EPHA5: variants seen among roughly 807,000 people sequenced by gnomAD.
The protein encoded by EPHA5 is ephrin type-A receptor 5.
In EPHA5, 60 loss-of-function variants were observed where a neutral mutation model predicts 105.0. The observed-to-expected ratio is 0.57, with a 90% confidence interval of 0.46 to 0.71. The LOEUF (loss-of-function observed/expected upper bound fraction) is 0.71. EPHA5 is among the 30% of genes least tolerant of loss of function. EPHA5 has a pLI of 0.00. For synonymous variants in EPHA5, 513 were observed against 449.1 expected, an observed-to-expected ratio of 1.14 and a Z score of -1.80; for missense variants, 1,218 against 1,274.7, an observed-to-expected ratio of 0.96 and a Z score of 0.68.
intron 2 of EPHA5, among the ~76,000 whole-genome samples, chr4:65,622,695 G>A (rs1745807681): frequency 6.6e-6 from 1 of 151,880 alleles, no homozygotes; most frequent in Admixed American, 6.6e-5. Context: ...TCTGACTTAA[G>A]GTAACCTTTG....
intron 1 of EPHA5, among the ~76,000 whole-genome samples, chr4:65,650,954 G>C (rs71612733): frequency 0.032 from 4,874 of 152,038 alleles, 145 homozygotes; most frequent in East Asian, 0.089. Context: ...ATTCAAGTTT[G>C]TTTGTCTCTC....
At chr4:65,653,558 A>T (rs1479117224) in intron 1 of EPHA5, among the ~76,000 whole-genome samples, 2 of 152,068 alleles carry the variant, frequency 1.3e-5, no homozygotes, top group East Asian at 3.9e-4. Context: ...GCAGGAAAAT[A>T]TTTTAAAATT....
chr4:65,470,768 A>C (rs1035373839), intron 5 of EPHA5, among the ~76,000 whole-genome samples: 1 of 152,216 alleles, frequency 6.6e-6, no homozygotes, highest in Non-Finnish European at 1.5e-5. Context: ...CACAGTTTTG[A>C]AGAACAAGCC....
intron 3 of EPHA5, among the ~76,000 whole-genome samples, chr4:65,585,132 G>GTT (rs1250604682): frequency 6.6e-6 from 1 of 151,576 alleles, no homozygotes; most frequent in African/African-American, 2.4e-5. Flanking sequence ...GTGTGTGTGT[G>GTT]TGTGTGTGTG....
At chr4:65,510,207 T>TA (rs1175853327) in intron 3 of EPHA5, among the ~76,000 whole-genome samples, 19 of 146,624 alleles carry the variant, frequency 1.3e-4, no homozygotes, top group Admixed American at 2.7e-4. Context: ...GCTAATTTTG[T>TA]GTTTTTTTTT....
chr4:65,637,667 A>G (rs1437334229), intron 2 of EPHA5, among the ~76,000 whole-genome samples: 2 of 150,096 alleles, frequency 1.3e-5, no homozygotes, highest in African/African-American at 4.9e-5. Context: ...GAAATGCAAT[A>G]GAAGGTCAAG....
chr4:65,489,077 T>G (rs1731161566), intron 5 of EPHA5, among the ~76,000 whole-genome samples: 1 of 151,866 alleles, frequency 6.6e-6, no homozygotes, highest in South Asian at 2.1e-4. Context: ...ATTTTTATTT[T>G]TAGTAGAGAC....
intron 3 of EPHA5, among the ~76,000 whole-genome samples, chr4:65,553,144 A>C (rs1406446573): frequency 6.6e-6 from 1 of 152,096 alleles, no homozygotes; most frequent in East Asian, 1.9e-4. Context: ...AATCTCAATG[A>C]TGAGTTTAGG....
chr4:65,572,806 G>A (rs1038062528), intron 3 of EPHA5, among the ~76,000 whole-genome samples: 2 of 152,014 alleles, frequency 1.3e-5, no homozygotes, highest in Non-Finnish European at 1.5e-5. Context: ...CGAGGCAGGC[G>A]GATAACCTGA....
chr4:65,464,571 A>G (rs540510234), intron 5 of EPHA5, among the ~76,000 whole-genome samples: 5 of 152,298 alleles, frequency 3.3e-5, no homozygotes, highest in African/African-American at 1.2e-4. Context: ...GTAAGATTGA[A>G]TAATGTACAC....
At chr4:65,579,950 C>G (rs62300408) in intron 3 of EPHA5, among the ~76,000 whole-genome samples, 10,120 of 151,952 alleles carry the variant, frequency 0.067, 406 homozygotes, top group Admixed American at 0.12. Flanking sequence ...TTGCTTCTAT[C>G]ATGCGAAATT....
In EPHA5 at chr4:65,471,087, A is replaced by C. The variant is rs545514894; in HGVS notation, c.1402+19290T>G. ...CTTTGTCTATACATTTGTTCTGATC[A>C]TGAGGCATCCTTGGAGTCCCTCTGA... On this transcript the variant is annotated intron_variant, in intron 5 of 16. Transcript: ENST00000613740. Among the ~76,000 whole-genome samples, 5 of 152,304 alleles carry C rather than the reference A, an allele frequency of 3.3e-5. No individual in the cohort carries two copies. The South Asian group carries it at 1.0e-3, about 32-fold the overall frequency.
At chr4:65,533,438 G>A (rs1736010085) in intron 3 of EPHA5, among the ~76,000 whole-genome samples, 1 of 152,016 alleles carries the variant, frequency 6.6e-6, no homozygotes, top group African/African-American at 2.4e-5. Context: ...GGTTTAAAGT[G>A]ACACACAAAA....
chr4:65,629,914 G>A (rs1015515304), intron 2 of EPHA5, among the ~76,000 whole-genome samples: 10 of 152,110 alleles, frequency 6.6e-5, no homozygotes, highest in Non-Finnish European at 2.9e-5. Flanking sequence ...TTTAATATAG[G>A]AGGGCAAATT....
At chr4:65,470,186 T>C (rs551997061) in intron 5 of EPHA5, among the ~76,000 whole-genome samples, 122 of 149,062 alleles carry the variant, frequency 8.2e-4, no homozygotes, top group Non-Finnish European at 1.6e-3. Flanking sequence ...TTTCTTTTTC[T>C]TTCTTTGTTT....
At chr4:65,576,057 A>AGAAAG (rs1560721043) in intron 3 of EPHA5, among the ~76,000 whole-genome samples, 6 of 70,970 alleles carry the variant, frequency 8.5e-5, no homozygotes, top group East Asian at 7.1e-4. Context: ...AAAGAAAGAA[A>AGAAAG]GAAAAGAAAA....
chr4:65,429,320 T>C (rs1029052714), intron 5 of EPHA5, among the ~76,000 whole-genome samples: 8 of 152,042 alleles, frequency 5.3e-5, no homozygotes, highest in Middle Eastern at 3.2e-3. Flanking sequence ...ACTTCCATTA[T>C]GGAATACTGC....
In EPHA5 at chr4:65,573,637, C is replaced by A. The variant is rs576032232; in HGVS notation, c.910+28004G>T. The A allele has an allele frequency of 6.2e-6, 10 of 1,601,306 alleles. No homozygotes were observed. The South Asian group carries it at 9.9e-5, about 16-fold the overall frequency. On this transcript the variant is annotated intron_variant, in intron 3 of 16. Coordinates refer to ENST00000613740, the MANE Select transcript of EPHA5 (RefSeq NM_001281766.3). ...AGAGGAATTGGCAGGTATTCCCGAT[C>A]TGCCATGTATTCCAGAAAGGCCATG...
intron 6 of EPHA5, among the ~76,000 whole-genome samples, chr4:65,417,629 CTTAAT>C (rs952778159): frequency 2.6e-5 from 4 of 151,596 alleles, no homozygotes; most frequent in African/African-American, 9.7e-5. Flanking sequence ...GTCATTTTTT[CTTAAT>C]TTGAGTTATA....
Sources: gnomAD v4.1 joint callset for allele counts (sites outside exome capture counted in the v4.1 genomes callset) on GRCh38, gnomAD v4.1.1 for gene constraint, MANE v1.5 for transcripts, NCBI Gene and HGNC (gene_info 2026-07-23, HGNC 2026-07-21) for gene names.